PIEZO2: variants seen among roughly 807,000 people sequenced by gnomAD.
PIEZO2 encodes the protein piezo type mechanosensitive ion channel component 2, also known as piezo-type mechanosensitive ion channel component 2.
A neutral mutation model predicts 337.3 loss-of-function variants in PIEZO2; 172 were observed. The observed-to-expected ratio is 0.51, with a 90% CI of 0.45 to 0.58. PIEZO2 has a LOEUF of 0.58. PIEZO2 is among the 20% of genes least tolerant of loss of function. PIEZO2 has a pLI of 0.00. For synonymous variants in PIEZO2, 1,251 were observed against 1,228.5 expected (o/e 1.02, Z -0.38); for missense variants, 3,028 against 3,391.3 (o/e 0.89, Z 2.66).
At chr18:10,960,318 A>C (rs1238107126) in intron 3 of PIEZO2, among the ~76,000 whole-genome samples, 1 of 152,204 alleles carries the variant, frequency 6.6e-6, no homozygotes, top group African/African-American at 2.4e-5. Flanking sequence ...TTCAATGTTT[A>C]TCTTTTTCAA....
chr18:10,773,642 A>G lies in PIEZO2; in HGVS notation c.2568-13T>C, dbSNP rs1285930762. The G allele has an allele frequency of 1.3e-6, 2 of 1,536,576 alleles. No individual in the cohort carries two copies. Among genetic ancestry groups the G allele is most frequent in the African/African-American group, 2.7e-5 (2 of 73,000 alleles). The stretch of plus-strand genomic sequence containing the variant: ...CGGGTGGGCCAGTCTGTTGGCAGAG[A>G]GCAGCTGAGTCAGAAGAGGAAAGGG... On this transcript the variant is annotated splice_polypyrimidine_tract_variant and intron_variant, in intron 19 of 55. Coordinates refer to ENST00000674853, the MANE Select transcript of PIEZO2 (RefSeq NM_001378183.1). This position sits in a 1 kb window ranked among gnomAD's most constrained non-coding sequence, Gnocchi z 5.3.
chr18:11,123,317 G>A (rs879286735), intron 1 of PIEZO2, among the ~76,000 whole-genome samples: 2 of 152,164 alleles, frequency 1.3e-5, no homozygotes, highest in Non-Finnish European at 2.9e-5. Flanking sequence ...AATAGGGCAG[G>A]TAAAGTAGAT....
chr18:11,095,612 G>A (rs2039239695), intron 1 of PIEZO2, among the ~76,000 whole-genome samples: 1 of 152,200 alleles, frequency 6.6e-6, no homozygotes, highest in African/African-American at 2.4e-5. Context: ...TCTAACACTA[G>A]TGAAAATTAT....
At position 10,807,980 on chromosome 18, in the gene PIEZO2, C is replaced by T. The variant is rs529201539; in HGVS notation, c.918-706G>A. On this transcript the variant is annotated intron_variant, in intron 7 of 55. Coordinates refer to ENST00000674853, the MANE Select transcript of PIEZO2 (RefSeq NM_001378183.1). ...ATGGAAAACTGTGTAAAATATGACT[C>T]ATTTAGAAATTCATTTTGATGGGCA... Among the ~76,000 whole-genome samples, 50 of 152,264 alleles carry T rather than the reference C, an allele frequency of 3.3e-4. No homozygotes were observed. The South Asian group carries it at 9.1e-3, about 28-fold the overall frequency.
At chr18:10,751,905 G>A (rs2037660909) in intron 28 of PIEZO2, among the ~76,000 whole-genome samples, 1 of 152,206 alleles carries the variant, frequency 6.6e-6, no homozygotes, top group Admixed American at 6.5e-5. Context: ...AGTGGGCAGT[G>A]TGAGTTGCAT....
intron 1 of PIEZO2, among the ~76,000 whole-genome samples, chr18:11,082,478 C>T (rs538285133): frequency 9.2e-5 from 14 of 152,062 alleles, no homozygotes; most frequent in East Asian, 3.9e-4. Flanking sequence ...CCACCACGCC[C>T]GGCTAATTTT....
chr18:10,730,182 C>T (rs1485145759), intron 36 of PIEZO2, among the ~76,000 whole-genome samples: 1 of 152,196 alleles, frequency 6.6e-6, no homozygotes, highest in East Asian at 1.9e-4. Context: ...TGACACACAA[C>T]TCTTCAAAGT....
chr18:10,947,809 A>G lies in PIEZO2; in HGVS notation c.286+31726T>C, dbSNP rs371413536. On this transcript the variant is annotated intron_variant, in intron 3 of 55. Transcript: ENST00000674853. ...ATATATAAGGACAACATATGTCATTAATAGCACAAAGGCTGGGAAGAGAGA... is the reference window on the plus strand; with the variant it reads ...ATATATAAGGACAACATATGTCATTGATAGCACAAAGGCTGGGAAGAGAGA... Among the ~76,000 whole-genome samples, 264 of 152,326 alleles carry G rather than the reference A, an allele frequency of 1.7e-3. 2 individuals carry two copies. Among genetic ancestry groups the G allele is most frequent in the African/African-American group, 5.9e-3 (246 of 41,580 alleles).
intron 52 of PIEZO2, among the ~76,000 whole-genome samples, chr18:10,678,933 C>CT (rs552952913): frequency 0.036 from 4,604 of 128,500 alleles, 183 homozygotes; most frequent in African/African-American, 0.088. Context: ...GCTGCAATTT[C>CT]TTTTTTTTTT....
At chr18:10,990,147 C>T (rs899366656) in intron 2 of PIEZO2, among the ~76,000 whole-genome samples, 2 of 151,858 alleles carry the variant, frequency 1.3e-5, no homozygotes, top group Non-Finnish European at 2.9e-5. Context: ...AACAACATAG[C>T]TGGTGCTTGA....
Position 11,077,308 on chromosome 18 carries a change from G to C in PIEZO2, c.65-11086C>G, listed in dbSNP as rs952785753. The stretch of plus-strand genomic sequence containing the variant: ...TGTCATCTATGGAAGTGAAGAGTTA[G>C]CATTTGTAGACTGGAGGACTTGGTA... On this transcript the variant is annotated intron_variant, in intron 1 of 55. Coordinates refer to ENST00000674853, the MANE Select transcript of PIEZO2 (RefSeq NM_001378183.1). The surrounding 1 kb of genome is among the most constrained non-coding windows in gnomAD (Gnocchi z 4.8). Among the ~76,000 whole-genome samples the C allele has an allele frequency of 3.3e-5, 5 of 152,204 alleles. No individual in the cohort carries two copies. Among genetic ancestry groups the C allele is most frequent in the African/African-American group, 9.6e-5 (4 of 41,462 alleles).
intron 3 of PIEZO2, among the ~76,000 whole-genome samples, chr18:10,960,248 T>C (rs2033706934): frequency 6.6e-6 from 1 of 152,164 alleles, no homozygotes; most frequent in East Asian, 1.9e-4. Context: ...GTTTTAAATA[T>C]TTTAAATGTA....
intron 33 of PIEZO2, among the ~76,000 whole-genome samples, chr18:10,737,024 A>G (rs1019043968): frequency 1.3e-5 from 2 of 152,208 alleles, no homozygotes; most frequent in Non-Finnish European, 2.9e-5. Context: ...TCAACTCTGC[A>G]GCAGCCAGTT....
chr18:10,718,550 A>G lies in PIEZO2; in HGVS notation c.5030-291T>C, dbSNP rs2143917004. The stretch of plus-strand genomic sequence containing the variant: ...CCTGTGAGTTCAGAATGGCTTTTAT[A>G]TTTCTAATAGTTGAAAAATCTAAAG... On this transcript the variant is annotated intron_variant, in intron 36 of 55. Transcript: ENST00000674853. 2.6e-5 allele frequency among the ~76,000 whole-genome samples: 4 copies of G among 152,300 alleles called. No individual in the cohort carries two copies. In the Middle Eastern group the frequency reaches 0.014, roughly 518 times the overall value.
At chr18:10,995,245 CAT>C (rs1400744007) in intron 2 of PIEZO2, among the ~76,000 whole-genome samples, 2 of 151,932 alleles carry the variant, frequency 1.3e-5, no homozygotes, top group African/African-American at 2.4e-5. Context: ...AGCATTTTTT[CAT>C]ATGTTTGTTG....
In PIEZO2 at chr18:11,071,688, C is replaced by T. The variant is rs73945720; in HGVS notation, c.65-5466G>A. On this transcript the variant is annotated intron_variant, in intron 1 of 55. Transcript: ENST00000674853. ...TGAGGGAGGTGATGAGCTGAGTGAG[C>T]GATTCCTGTCAATTCCCATAGGAGA... Among the ~76,000 whole-genome samples the T allele has an allele frequency of 2.3e-3, 345 of 152,206 alleles. 4 individuals carry two copies. The highest frequency in any genetic ancestry group is 7.7e-3 in the African/African-American group (319 of 41,534).
intron 2 of PIEZO2, among the ~76,000 whole-genome samples, chr18:11,018,435 T>TGTGTGTGTGTGGA (rs2036200370): frequency 1.1e-5 from 1 of 92,842 alleles, no homozygotes; most frequent in African/African-American, 3.9e-5. Context: ...GTGTGTGTGT[T>TGTGTGTGTGTGGA]GAAATAAAGG....
At position 11,116,058 on chromosome 18, in the gene PIEZO2, G is replaced by A. The variant is rs1336733242; in HGVS notation, c.64+32467C>T. Among the ~76,000 whole-genome samples the A allele has an allele frequency of 6.6e-6, 1 of 152,180 alleles. No homozygotes were observed. The highest frequency in any genetic ancestry group is 2.4e-5 in the African/African-American group (1 of 41,454). Reference sequence around the variant, plus strand: ...AGGAGGAAACATTAGTAATAAAAATGTATTTTCACAGTGTTTAGAGCTAAA... The same window carrying A: ...AGGAGGAAACATTAGTAATAAAAATATATTTTCACAGTGTTTAGAGCTAAA... On this transcript the variant is annotated intron_variant, in intron 1 of 55. Coordinates refer to ENST00000674853, the MANE Select transcript of PIEZO2 (RefSeq NM_001378183.1). This position sits in a 1 kb window ranked among gnomAD's most constrained non-coding sequence, Gnocchi z 5.0.
intron 2 of PIEZO2, among the ~76,000 whole-genome samples, chr18:10,990,442 C>G (rs934218738): frequency 1.3e-5 from 2 of 152,056 alleles, no homozygotes; most frequent in Non-Finnish European, 2.9e-5. Flanking sequence ...TCTCTCCACT[C>G]AAAGCTGGAG....
Sources: gnomAD v4.1 joint callset for allele counts (sites outside exome capture counted in the v4.1 genomes callset) on GRCh38, gnomAD v4.1.1 for gene constraint, Gnocchi (gnomAD v3.1) non-coding constraint, MANE v1.5 for transcripts, NCBI Gene and HGNC (gene_info 2026-07-23, HGNC 2026-07-21) for gene names.